CDK1: variants seen among roughly 807,000 people sequenced by gnomAD.
CDK1 encodes the protein cyclin-dependent kinase 1.
CDK1 carries 5 observed loss-of-function variants against 34.6 expected under a neutral mutation model. That is an observed-to-expected ratio of 0.14 (90% CI 0.08 to 0.30). The LOEUF (loss-of-function observed/expected upper bound fraction) is 0.30. Among genes scored for constraint, CDK1 ranks in the 10% least tolerant of loss-of-function variants. CDK1 has a pLI of 1.00. For synonymous variants in CDK1, 108 were observed against 114.7 expected, an observed-to-expected ratio of 0.94 and a Z score of 0.37; for missense variants, 157 against 345.7, an observed-to-expected ratio of 0.45 and a Z score of 4.33.
At chr10:60,782,256 CTGTA>C (rs2132063421) in intron 2 of CDK1, among the ~76,000 whole-genome samples, 1 of 152,210 alleles carries the variant, frequency 6.6e-6, no homozygotes, top group East Asian at 1.9e-4. Context: ...ACTTTATTAT[CTGTA>C]TGTATGTTAG....
chr10:60,786,817 A>G (rs1564669807), intron 4 of CDK1: 1 of 907,350 alleles, frequency 1.1e-6, no homozygotes, highest in Non-Finnish European at 1.3e-6. Context: ...ATATTTAGCT[A>G]TTATAAACCG....
At chr10:60,783,025 A>G (rs1236304726) in intron 2 of CDK1, among the ~76,000 whole-genome samples, 1 of 152,140 alleles carries the variant, frequency 6.6e-6, no homozygotes, top group Non-Finnish European at 1.5e-5. Context: ...TGAACTTACC[A>G]TTAACTGTTT....
chr10:60,785,773 T>C lies in CDK1; in HGVS notation c.304T>C (p.Ser102Pro). 6.3e-7 allele frequency: 1 copy of C among 1,589,742 alleles called. No homozygotes were observed. Among genetic ancestry groups the C allele is most frequent in the South Asian group, 1.2e-5 (1 of 86,056 alleles). Reference sequence around the variant, plus strand: ...TATCCCTCCTGGTCAGTACATGGATTCTTCACTTGTTAAGGTAAAAGCTTA... The same window carrying C: ...TATCCCTCCTGGTCAGTACATGGATCCTTCACTTGTTAAGGTAAAAGCTTA... Reference protein sequence around the residue: ...DSIPPGQYMDSSLVKSYLYQI... With the variant: ...DSIPPGQYMDPSLVKSYLYQI... The change falls in exon 4 of 8, where the codon TCT becomes CCT. Residue 102 changes from serine (S) to proline (P), a missense_variant. Coordinates refer to ENST00000395284, the MANE Select transcript of CDK1 (RefSeq NM_001786.5).
At chr10:60,785,603 T>G (rs2080309109) in intron 3 of CDK1, 61 bp from the exon 4 acceptor site, 9 of 1,019,852 alleles carry the variant, frequency 8.8e-6, no homozygotes, top group Non-Finnish European at 1.3e-5. Flanking sequence ...GAGTTTTATT[T>G]TGTGAAACAG....
At chr10:60,784,630 A>T in intron 2 of CDK1, 75 bp from the exon 3 acceptor site, 1 of 1,291,268 alleles carries the variant, frequency 7.7e-7, no homozygotes, top group Non-Finnish European at 1.1e-6. Flanking sequence ...ACCCTGCCAT[A>T]AGGAAAAAAA....
Position 60,788,225 on chromosome 10 carries a change from C to T in CDK1, c.484C>T (p.His162Tyr), listed in dbSNP as rs756782434. ...TGGAATACCTATCAGAGTATATACA[C>T]ATGAGGCAAGTGGAATAGTGGTTTT... ...AFGIPIRVYT[H>Y]EVVTLWYRSP... Residue 162 changes from histidine (H) to tyrosine (Y), a missense_variant, in exon 5 of 8, where the codon CAT becomes TAT. His to Tyr is a moderately conservative substitution (Grantham distance 83). Transcript: ENST00000395284. 1.1e-5 allele frequency: 18 copies of T among 1,588,950 alleles called. No homozygotes were observed. Among genetic ancestry groups the T allele is most frequent in the Non-Finnish European group, 1.5e-5 (18 of 1,166,850 alleles).
chr10:60,788,366 T>C, intron 5 of CDK1, 136 bp downstream of exon 5: 2 of 528,372 alleles, frequency 3.8e-6, no homozygotes, highest in Non-Finnish European at 3.1e-6. Flanking sequence ...GCCTCTCAGC[T>C]CCAAATTCAT....
intron 5 of CDK1, among the ~76,000 whole-genome samples, chr10:60,791,666 C>CA (rs1258528516): frequency 1.3e-5 from 2 of 151,522 alleles, no homozygotes; most frequent in East Asian, 1.9e-4. Context: ...ATTTGAAAAG[C>CA]AAAAAAATAT....
chr10:60,786,799 A>T, intron 4 of CDK1: 1 of 790,082 alleles, frequency 1.3e-6, no homozygotes, highest in Non-Finnish European at 1.5e-6. Context: ...ATGACAATTT[A>T]ACACTTCATA....
At position 60,792,743 on chromosome 10, in the gene CDK1, T is replaced by C. The variant is rs145594452; in HGVS notation, c.795+454T>C. ...AGAAGGATCTATTGCTATACCATTG[T>C]ATACATTTTCTCATTGGTCTTCGGG... On this transcript the variant is annotated intron_variant, in intron 7 of 7. Transcript: ENST00000395284. Among the ~76,000 whole-genome samples, 763 of 152,216 alleles carry C rather than the reference T, an allele frequency of 5.0e-3. 9 individuals are homozygous for C. The highest frequency in any genetic ancestry group is 0.018 in the African/African-American group (746 of 41,566).
intron 7 of CDK1, 114 bp downstream of exon 7, chr10:60,792,403 G>T (rs2080366979): frequency 2.2e-6 from 2 of 898,290 alleles, no homozygotes; most frequent in Middle Eastern, 2.2e-4. Context: ...CTAGGTGTCT[G>T]TTATGTACAT....
chr10:60,785,013 A>T, intron 3 of CDK1, 152 bp downstream of exon 3: 2 of 653,120 alleles, frequency 3.1e-6, no homozygotes, highest in Non-Finnish European at 5.3e-6. Context: ...TGCCGCACAT[A>T]TGTAAAAGAG....
At chr10:60,791,658 T>C (rs974401317) in intron 5 of CDK1, among the ~76,000 whole-genome samples, 2 of 152,148 alleles carry the variant, frequency 1.3e-5, no homozygotes, top group Non-Finnish European at 2.9e-5. Context: ...CTTTAGTGAT[T>C]TGAAAAGCAA....
Position 60,785,418 on chromosome 10 carries a change from C to G in CDK1, c.195-246C>G, listed in dbSNP as rs145974557. On this transcript the variant is annotated intron_variant, in intron 3 of 7. Coordinates refer to ENST00000395284, the MANE Select transcript of CDK1 (RefSeq NM_001786.5). ...TAAGCTCTCAGCAATTAGTAGCCAA[C>G]CTAGATATGTTCTTTTGAATACAGG... is the stretch of plus-strand genomic sequence containing the variant. Among the ~76,000 whole-genome samples the G allele has an allele frequency of 8.5e-5, 13 of 152,168 alleles. No individual in the cohort carries two copies. The East Asian group carries it at 2.5e-3, about 29-fold the overall frequency.
At chr10:60,789,483 T>A (rs2080340848) in intron 5 of CDK1, among the ~76,000 whole-genome samples, 1 of 152,216 alleles carries the variant, frequency 6.6e-6, no homozygotes, top group Non-Finnish European at 1.5e-5. Context: ...ATGTGGTATT[T>A]ATCCTTCTGT....
In CDK1 at chr10:60,794,092, C is replaced by A; in HGVS notation, c.*117C>A. ...TTGTTATCAAACTTCAGCTGTACTT[C>A]GTCTTCTAATTTCAAAAATATAACT... On this transcript the variant is annotated 3_prime_UTR_variant, in exon 8 of 8. Transcript: ENST00000395284. 1 of 538,708 alleles carries A rather than the reference C, an allele frequency of 1.9e-6. No individual in the cohort carries two copies. The highest frequency in any genetic ancestry group is 3.1e-5 in the South Asian group (1 of 32,644). 33.4% of individuals were successfully genotyped at this position (538,708 alleles called of 1,614,324 possible).
chr10:60,789,875 G>A (rs540582435), intron 5 of CDK1, among the ~76,000 whole-genome samples: 2 of 152,236 alleles, frequency 1.3e-5, no homozygotes, highest in East Asian at 1.9e-4. Flanking sequence ...CCAACAGTGC[G>A]TAAAAAGTTG....
At chr10:60,781,408 T>C (rs2080271588) in intron 2 of CDK1, among the ~76,000 whole-genome samples, 1 of 152,202 alleles carries the variant, frequency 6.6e-6, no homozygotes, top group Non-Finnish European at 1.5e-5. Flanking sequence ...TCTAGCAGTG[T>C]GACAGTGGTA....
At chr10:60,788,944 T>C (rs1564671900) in intron 5 of CDK1, among the ~76,000 whole-genome samples, 1 of 152,134 alleles carries the variant, frequency 6.6e-6, no homozygotes, top group Non-Finnish European at 1.5e-5. Context: ...TAAACTAAGA[T>C]TATTTTGTTT....
Sources: allele counts gnomAD v4.1 joint callset (sites outside exome capture counted in the v4.1 genomes callset), GRCh38; gene constraint gnomAD v4.1.1; transcripts MANE v1.5; gene names NCBI Gene and HGNC (gene_info 2026-07-23, HGNC 2026-07-21).